Variants in PLXNC1 observed in about 807,000 individuals in gnomAD.
PLXNC1 encodes plexin C1.
A neutral mutation model predicts 178.2 loss-of-function variants in PLXNC1; 75 were observed. The ratio of observed to expected loss-of-function variants is 0.42; its 90% CI spans 0.35 to 0.51. The LOEUF is 0.51. Ranked by LOEUF, PLXNC1 falls within the 20% of genes least tolerant of loss-of-function variation. The pLI is 0.02. For missense variants in PLXNC1, 1,503 were observed against 1,984.4 expected, an observed-to-expected ratio of 0.76 and a Z score of 4.61; for synonymous variants, 790 against 779.9, an observed-to-expected ratio of 1.01 and a Z score of -0.22.
At chr12:94,184,194 G>A (rs1962427726) in intron 3 of PLXNC1, among the ~76,000 whole-genome samples, 1 of 151,136 alleles carries the variant, frequency 6.6e-6, no homozygotes, top group African/African-American at 2.4e-5. Flanking sequence ...TCAGCTCACT[G>A]CAACCTCCGC....
Position 94,274,260 on chromosome 12 carries a change from C to T in PLXNC1, c.3598-5212C>T, listed in dbSNP as rs1035039536. Among the ~76,000 whole-genome samples, 44 of 151,014 alleles carry T rather than the reference C, an allele frequency of 2.9e-4. 1 individual carries two copies. The highest frequency in any genetic ancestry group is 1.0e-3 in the African/African-American group (41 of 40,914). On this transcript the variant is annotated intron_variant, in intron 21 of 30. Transcript: ENST00000258526. ...GGCTGAGGTGGGAGGATTGCCTGAG[C>T]CTGGGAGGTCGAGGCTGCAGTAAGC...
chr12:94,295,606 C>T (rs1347019795), intron 24 of PLXNC1, among the ~76,000 whole-genome samples: 1 of 152,146 alleles, frequency 6.6e-6, no homozygotes, highest in Non-Finnish European at 1.5e-5. Context: ...TACTCTAAAC[C>T]TCCTGTACCT....
At chr12:94,176,924 A>G (rs61926924) in intron 2 of PLXNC1, among the ~76,000 whole-genome samples, 15,229 of 151,550 alleles carry the variant, frequency 0.1, 936 homozygotes, top group Middle Eastern at 0.14. Context: ...TTATTTTTAT[A>G]GCTAAATAGT....
chr12:94,156,936 A>G (rs1961196716), intron 1 of PLXNC1, among the ~76,000 whole-genome samples: 1 of 152,044 alleles, frequency 6.6e-6, no homozygotes, highest in Admixed American at 6.5e-5. Flanking sequence ...GCTGGTCTCA[A>G]TCTCCTGAGC....
intron 5 of PLXNC1, among the ~76,000 whole-genome samples, chr12:94,216,144 T>C (rs1963639544): frequency 6.6e-6 from 1 of 152,038 alleles, no homozygotes; most frequent in Non-Finnish European, 1.5e-5. Flanking sequence ...GGCAGGTGTC[T>C]GTAATCCCAG....
intron 9 of PLXNC1, among the ~76,000 whole-genome samples, chr12:94,236,553 T>G (rs1964245901): frequency 1.3e-5 from 2 of 152,250 alleles, no homozygotes; most frequent in African/African-American, 4.8e-5. Flanking sequence ...CACTCAGCAT[T>G]TAGAATTTCA....
intron 4 of PLXNC1, among the ~76,000 whole-genome samples, chr12:94,207,012 G>A (rs983279047): frequency 3.3e-5 from 5 of 152,168 alleles, no homozygotes; most frequent in Non-Finnish European, 7.4e-5. Flanking sequence ...CTAAAATATG[G>A]GAGCTATAAG....
intron 14 of PLXNC1, among the ~76,000 whole-genome samples, chr12:94,249,178 C>T (rs1270273154): frequency 2.6e-5 from 4 of 152,172 alleles, no homozygotes; most frequent in African/African-American, 7.2e-5. Flanking sequence ...AGGTAAATCA[C>T]TTGAGTTTCC....
intron 26 of PLXNC1, among the ~76,000 whole-genome samples, chr12:94,297,813 C>G (rs1320067027): frequency 6.6e-6 from 1 of 152,158 alleles, no homozygotes; most frequent in Non-Finnish European, 1.5e-5. Flanking sequence ...GGGTCAATGA[C>G]TATAAACCTA....
intron 23 of PLXNC1, among the ~76,000 whole-genome samples, chr12:94,292,295 G>T (rs899344634): frequency 6.6e-6 from 1 of 152,174 alleles, no homozygotes; most frequent in Non-Finnish European, 1.5e-5. Flanking sequence ...TGAAGATGGG[G>T]TGGTCATTGT....
rs1968745408 is a variant in PLXNC1, at chr12:94,303,968, T to G, written c.4528-9T>G. On this transcript the variant is annotated splice_polypyrimidine_tract_variant and intron_variant, in intron 29 of 30. Transcript: ENST00000258526. ...CATTTCAGAATCTCTCAACAAGTCTTTCTTTTAGAAACATGAAAATGAATT... is the reference window on the plus strand; with the variant it reads ...CATTTCAGAATCTCTCAACAAGTCTGTCTTTTAGAAACATGAAAATGAATT... 6.2e-7 allele frequency: 1 copy of G among 1,606,152 alleles called. No homozygotes were observed. The highest frequency in any genetic ancestry group is 1.7e-5 in the Admixed American group (1 of 59,560).
chr12:94,283,587 T>C (rs1565858265), intron 23 of PLXNC1, among the ~76,000 whole-genome samples: 1 of 152,230 alleles, frequency 6.6e-6, no homozygotes. Flanking sequence ...TCAGTCTCCC[T>C]GAGCGTTCAG....
intron 4 of PLXNC1, among the ~76,000 whole-genome samples, chr12:94,198,114 A>G (rs368171334): frequency 2.6e-5 from 4 of 152,204 alleles, no homozygotes; most frequent in East Asian, 1.9e-4. Flanking sequence ...TAGCAAAGAC[A>G]TGGAATCAAC....
intron 2 of PLXNC1, among the ~76,000 whole-genome samples, chr12:94,174,862 C>T (rs1443311194): frequency 6.6e-6 from 1 of 152,206 alleles, no homozygotes; most frequent in Non-Finnish European, 1.5e-5. Context: ...GTTCTCCCCA[C>T]CTCATTAATT....
At chr12:94,246,538 C>T (rs1368231250) in intron 12 of PLXNC1, among the ~76,000 whole-genome samples, 1 of 152,120 alleles carries the variant, frequency 6.6e-6, no homozygotes, top group African/African-American at 2.4e-5. Flanking sequence ...GTGAAGGTGG[C>T]CGAGAAGGTG....
In PLXNC1 at chr12:94,209,620, A is replaced by C; in HGVS notation, c.1470A>C (p.Ser490=). ...CTTTTCAAGGAGATTGTGTACATTC[A>C]GAGAACTTAGAAAACTGGCTGGATA... ...RCTFQGDCVH[S]ENLENWLDIS... Residue 490 remains serine (S), a synonymous_variant, in exon 5 of 31, where the codon TCA becomes TCC. Transcript: ENST00000258526. The C allele has an allele frequency of 6.2e-7, 1 of 1,613,364 alleles. No homozygotes were observed. Among genetic ancestry groups the C allele is most frequent in the Non-Finnish European group, 8.5e-7 (1 of 1,179,296 alleles).
rs150656947 is a variant in PLXNC1, at chr12:94,302,282, C to T, written c.4386+1225C>T. On this transcript the variant is annotated intron_variant, in intron 28 of 30. Transcript: ENST00000258526. ...GCTTTTACTTTTCCCAAGTTCACAC[C>T]ATGAACTTGTTCTCACACCCCTTTG... Among the ~76,000 whole-genome samples the T allele has an allele frequency of 4.0e-3, 611 of 152,310 alleles. 3 individuals are homozygous for T. Among genetic ancestry groups the T allele is most frequent in the Non-Finnish European group, 6.6e-3 (452 of 68,022 alleles).
intron 5 of PLXNC1, 123 bp downstream of exon 5, chr12:94,209,827 T>C (rs1224812724): frequency 1.6e-6 from 1 of 635,216 alleles, no homozygotes; most frequent in Non-Finnish European, 2.8e-6. Context: ...AGCACTCCAT[T>C]CATTTAGCAC....
In PLXNC1 at chr12:94,306,827, G is replaced by A. The variant is rs561380852; in HGVS notation, c.*1542G>A. On this transcript the variant is annotated 3_prime_UTR_variant, in exon 31 of 31. Transcript: ENST00000258526. ...AGAGAAAATAAGCAGTTACTACCCT[G>A]ATAGGCACCTTCCCAATCCTGTTGC... 1.3e-4 allele frequency: 20 copies of A among 152,188 alleles called. No individual in the cohort carries two copies. The highest frequency in any genetic ancestry group is 1.8e-4 in the Non-Finnish European group (12 of 68,042). 9.4% of individuals were successfully genotyped at this position (152,188 alleles called of 1,614,324 possible). A position where few individuals can be genotyped will look rare whatever the true frequency, so the allele number is the denominator to read the frequency against.
Sources: gnomAD v4.1 joint callset for allele counts (sites outside exome capture counted in the v4.1 genomes callset) on GRCh38, gnomAD v4.1.1 for gene constraint, MANE v1.5 for transcripts, NCBI Gene and HGNC (gene_info 2026-07-23, HGNC 2026-07-21) for gene names.